Variants in DLG2 observed in about 807,000 individuals in gnomAD.
DLG2 encodes the protein disks large homolog 2.
In DLG2, 45 loss-of-function variants were observed where a neutral mutation model predicts 132.5. The observed-to-expected ratio is 0.34, with a 90% CI of 0.27 to 0.44. The LOEUF (loss-of-function observed/expected upper bound fraction) is 0.44. Among genes scored for constraint, DLG2 ranks in the 20% least tolerant of loss-of-function variants. The pLI is 1.00. For synonymous variants in DLG2, 424 were observed against 419.6 expected (o/e 1.01, Z -0.13); for missense variants, 1,045 against 1,196.9 (o/e 0.87, Z 1.87).
chr11:85,143,589 GC>G (rs774944102), intron 5 of DLG2, among the ~76,000 whole-genome samples: 1 of 151,494 alleles, frequency 6.6e-6, no homozygotes, highest in Non-Finnish European at 1.5e-5. Context: ...TCTTACAATT[GC>G]TTTTGCTATA....
At chr11:85,064,886 C>T (rs567855376) in intron 6 of DLG2, among the ~76,000 whole-genome samples, 9 of 151,668 alleles carry the variant, frequency 5.9e-5, no homozygotes, top group African/African-American at 9.6e-5. Flanking sequence ...CAGCCTCTCT[C>T]TCTTTCTCTC....
chr11:84,834,540 G>A (rs965929191), intron 6 of DLG2, among the ~76,000 whole-genome samples: 2 of 151,396 alleles, frequency 1.3e-5, no homozygotes, highest in Non-Finnish European at 3.0e-5. Context: ...AGGCAGAAAA[G>A]AACATATTGT....
At chr11:84,005,003 A>G (rs1303631067) in intron 11 of DLG2, among the ~76,000 whole-genome samples, 1 of 151,404 alleles carries the variant, frequency 6.6e-6, no homozygotes, top group Non-Finnish European at 1.5e-5. Flanking sequence ...ACAAACGAAC[A>G]AAAATCCCCC....
chr11:83,981,953 C>T (rs909698448), intron 11 of DLG2, among the ~76,000 whole-genome samples: 11 of 152,178 alleles, frequency 7.2e-5, no homozygotes, highest in African/African-American at 1.4e-4. Flanking sequence ...AGTACACATA[C>T]GATGATGGGC....
At chr11:83,723,855 C>CA (rs935848911) in intron 18 of DLG2, among the ~76,000 whole-genome samples, 29 of 150,976 alleles carry the variant, frequency 1.9e-4, no homozygotes, top group African/African-American at 5.4e-4. Context: ...GATCACATCT[C>CA]AAAAAAAATA....
At chr11:83,968,460 A>T (rs2090682935) in intron 12 of DLG2, among the ~76,000 whole-genome samples, 1 of 152,194 alleles carries the variant, frequency 6.6e-6, no homozygotes, top group African/African-American at 2.4e-5. Context: ...TCACTGATCA[A>T]ATGTTTACTG....
chr11:84,085,795 T>G (rs2096969468), intron 10 of DLG2, among the ~76,000 whole-genome samples: 1 of 152,224 alleles, frequency 6.6e-6, no homozygotes, highest in African/African-American at 2.4e-5. Flanking sequence ...TTAAGGGATA[T>G]GAATCATCAC....
chr11:83,704,866 G>A (rs1045747145), intron 18 of DLG2, among the ~76,000 whole-genome samples: 6 of 151,932 alleles, frequency 3.9e-5, no homozygotes, highest in African/African-American at 1.4e-4. Flanking sequence ...GAAAAAAACT[G>A]AGTATAACCT....
chr11:85,461,035 T>A (rs745894007), intron 3 of DLG2, among the ~76,000 whole-genome samples: 26 of 152,362 alleles, frequency 1.7e-4, no homozygotes, highest in Admixed American at 3.9e-4. Context: ...ACTGCAAATA[T>A]ATGTTTTCAT....
intron 10 of DLG2, among the ~76,000 whole-genome samples, chr11:84,087,506 A>C (rs1161297920): frequency 1.3e-5 from 2 of 152,210 alleles, no homozygotes; most frequent in African/African-American, 4.8e-5. Flanking sequence ...CCCTCACCTC[A>C]AGAAATTTAT....
intron 3 of DLG2, among the ~76,000 whole-genome samples, chr11:85,499,408 CTCTGAATAGACCAATAATAGGT>C (rs1316741684): frequency 6.6e-6 from 1 of 152,126 alleles, no homozygotes; most frequent in African/African-American, 2.4e-5. Context: ...GAAGTTTAAT[CTCTGAATAGACCAATAATAGGT>C]TCTGAAATTG....
At chr11:84,551,345 C>A (rs1389474157) in intron 6 of DLG2, among the ~76,000 whole-genome samples, 4 of 152,038 alleles carry the variant, frequency 2.6e-5, no homozygotes, top group Non-Finnish European at 5.9e-5. Flanking sequence ...ACTTAATGTG[C>A]AATTGTAGAA....
chr11:84,371,356 G>A (rs1243264565), intron 7 of DLG2, among the ~76,000 whole-genome samples: 4 of 151,586 alleles, frequency 2.6e-5, no homozygotes, highest in African/African-American at 9.7e-5. Context: ...AGGCTCAGGG[G>A]ATCCTCCTCC....
chr11:83,645,273 T>C (rs1182625611), intron 18 of DLG2, among the ~76,000 whole-genome samples: 1 of 152,124 alleles, frequency 6.6e-6, no homozygotes, highest in Non-Finnish European at 1.5e-5. Context: ...TGGGACACAT[T>C]GGGTTTAAAG....
At chr11:83,754,717 G>T (rs2093580137) in intron 18 of DLG2, among the ~76,000 whole-genome samples, 1 of 151,202 alleles carries the variant, frequency 6.6e-6, no homozygotes, top group African/African-American at 2.5e-5. Flanking sequence ...GAGATACAAA[G>T]ATTTCACTGA....
chr11:83,852,406 AG>A (rs2059931834), intron 16 of DLG2, among the ~76,000 whole-genome samples: 1 of 152,232 alleles, frequency 6.6e-6, no homozygotes, highest in African/African-American at 2.4e-5. Flanking sequence ...CTGGGCAGAA[AG>A]CCTTATATTC....
chr11:84,387,376 A>G (rs2098775030), intron 7 of DLG2, among the ~76,000 whole-genome samples: 1 of 152,032 alleles, frequency 6.6e-6, no homozygotes, highest in African/African-American at 2.4e-5. Context: ...TTTTTAAGAA[A>G]TTGGTTATAT....
At chr11:84,376,331 G>A (rs1056360346) in intron 7 of DLG2, among the ~76,000 whole-genome samples, 1 of 151,964 alleles carries the variant, frequency 6.6e-6, no homozygotes, top group African/African-American at 2.4e-5. Context: ...TTCTATGGAT[G>A]AAGGCAGGGA....
At chr11:84,899,985 T>C (rs1566316974) in intron 6 of DLG2, among the ~76,000 whole-genome samples, 1 of 152,032 alleles carries the variant, frequency 6.6e-6, no homozygotes, top group Non-Finnish European at 1.5e-5. Context: ...CATCTAGTGG[T>C]ACATGACTTA....
Sources: gnomAD v4.1 joint callset for allele counts (sites outside exome capture counted in the v4.1 genomes callset) on GRCh38, gnomAD v4.1.1 for gene constraint, MANE v1.5 for transcripts, NCBI Gene and HGNC (gene_info 2026-07-23, HGNC 2026-07-21) for gene names.